Variants in AFF1 observed in about 807,000 individuals in gnomAD.
AFF1 encodes the protein AF4/FMR2 family member 1.
A neutral mutation model predicts 121.7 loss-of-function variants in AFF1; 48 were observed. The observed-to-expected ratio is 0.39, with a 90% CI of 0.31 to 0.50. The LOEUF (loss-of-function observed/expected upper bound fraction) is 0.50. AFF1 is among the 20% of genes least tolerant of loss of function. AFF1 has a pLI of 0.76. For synonymous variants in AFF1, 613 were observed against 563.0 expected, an observed-to-expected ratio of 1.09 and a Z score of -1.26; for missense variants, 1,523 against 1,511.7, an observed-to-expected ratio of 1.01 and a Z score of -0.12.
intron 2 of AFF1, chr4:87,007,379 G>C: frequency 1.2e-6 from 2 of 1,613,738 alleles, no homozygotes; most frequent in Non-Finnish European, 1.7e-6. Context: ...GCTCATGGAC[G>C]GAAGACCCCT....
chr4:87,007,383 G>C, intron 2 of AFF1: 1 of 1,613,790 alleles, frequency 6.2e-7, no homozygotes, highest in South Asian at 1.1e-5. Context: ...ATGGACGGAA[G>C]ACCCCTGGCT....
intron 15 of AFF1, 49 bp downstream of exon 15, chr4:87,127,166 T>TCCCCC (rs367995603): frequency 1.4e-5 from 15 of 1,087,276 alleles, no homozygotes; most frequent in African/African-American, 1.1e-4. Context: ...TTGTTTTGCT[T>TCCCCC]CCCCCCCCCA....
At chr4:86,938,591 CTTTT>C (rs916372736) in intron 1 of AFF1, among the ~76,000 whole-genome samples, 14 of 152,108 alleles carry the variant, frequency 9.2e-5, no homozygotes, top group African/African-American at 3.4e-4. Context: ...CTAGTAGTCT[CTTTT>C]TTTAAGACAC....
chr4:87,138,256 A>G lies in AFF1; in HGVS notation c.*2555A>G, dbSNP rs1179543177. 1 of 232,602 alleles carries G rather than the reference A, an allele frequency of 4.3e-6. No individual in the cohort carries two copies. The highest frequency in any genetic ancestry group is 2.2e-5 in the African/African-American group (1 of 45,296). The allele number at this position is 232,602 out of a possible 1,614,324, so 14.4% of individuals were successfully genotyped here. A position where few individuals can be genotyped will look rare whatever the true frequency, so the allele number is the denominator to read the frequency against. On this transcript the variant is annotated 3_prime_UTR_variant, in exon 21 of 21. Transcript: ENST00000395146. ...AGGGTCTTTTTGCTGTTACGGTTGT[A>G]TATAGAGGTCTGAAGGATTTTTAAA...
chr4:86,995,323 C>T (rs570046622), intron 2 of AFF1, among the ~76,000 whole-genome samples: 1 of 128,218 alleles, frequency 7.8e-6, no homozygotes, highest in South Asian at 2.6e-4. Context: ...CCCACGGTCT[C>T]CCTCTCCCTC....
At chr4:87,033,433 A>T (rs1407276636) in intron 2 of AFF1, among the ~76,000 whole-genome samples, 4 of 152,214 alleles carry the variant, frequency 2.6e-5, no homozygotes, top group African/African-American at 9.6e-5. Flanking sequence ...AAGTTCAGTG[A>T]CTGGGAGGGA....
At chr4:86,983,083 C>A (rs11939722) in intron 2 of AFF1, among the ~76,000 whole-genome samples, 6,381 of 152,042 alleles carry the variant, frequency 0.042, 437 homozygotes, top group African/African-American at 0.15. Flanking sequence ...TAGACTAAGA[C>A]ACAAAGAAAT....
rs553899921 is a variant in AFF1, at chr4:86,950,165, A to G, written c.38+1594A>G. 1.0e-4 allele frequency: 145 copies of G among 1,426,816 alleles called. 1 individual carries two copies. The East Asian group carries it at 2.4e-3, about 23-fold the overall frequency. 88.4% of individuals were successfully genotyped at this position (1,426,816 alleles called of 1,614,324 possible). A position where few individuals can be genotyped will look rare whatever the true frequency, so the allele number is the denominator to read the frequency against. On this transcript the variant is annotated intron_variant, in intron 2 of 20. Coordinates refer to ENST00000395146, the MANE Select transcript of AFF1 (RefSeq NM_001166693.3). ...GCACCGGACAAGGCAGATGCTGCCC[A>G]TGTCTCATCCCGAGGTATTATTATT...
intron 2 of AFF1, among the ~76,000 whole-genome samples, chr4:86,962,150 T>C (rs994978303): frequency 1.3e-5 from 2 of 148,712 alleles, no homozygotes; most frequent in African/African-American, 2.5e-5. Context: ...TGTTTCTTTT[T>C]TTTTTTTTTT....
rs1336874133 is a variant in AFF1, at chr4:87,125,140, C to G, written c.2570C>G (p.Thr857Arg). ...TCCTCCCACAAAGAATCTTCTAAAA[C>G]AAAGTGAGTATAGAGATTAGCAACC... ...SSSSHKESSK[T>R]KPSRPSSQSS... Residue 857 changes from threonine (T) to arginine (R), a missense_variant, in exon 13 of 21, where the codon ACA becomes AGA. Around this residue, in one of 5 missense-constraint regions of AFF1, gnomAD observed 905 missense variants for 842.5 expected, o/e 1.07. Coordinates refer to ENST00000395146, the MANE Select transcript of AFF1 (RefSeq NM_001166693.3). The G allele has an allele frequency of 4.4e-6, 7 of 1,607,504 alleles. No individual in the cohort carries two copies. The South Asian group carries it at 7.8e-5, about 18-fold the overall frequency.
Position 87,139,984 on chromosome 4 carries a change from T to C in AFF1, c.*4283T>C, listed in dbSNP as rs1729594653. The C allele has an allele frequency of 9.5e-6, 2 of 210,124 alleles. No homozygotes were observed. The highest frequency in any genetic ancestry group is 4.5e-5 in the African/African-American group (2 of 43,988). 13.0% of individuals were successfully genotyped at this position (210,124 alleles called of 1,614,324 possible). ...TTACTGTCAGGAGGAAATGACATTA[T>C]ATTCTGTTCCACTGAACGTCAGAGA... On this transcript the variant is annotated 3_prime_UTR_variant, in exon 21 of 21. Coordinates refer to ENST00000395146, the MANE Select transcript of AFF1 (RefSeq NM_001166693.3).
chr4:87,002,498 C>T (rs552530065), intron 2 of AFF1, among the ~76,000 whole-genome samples: 1 of 127,772 alleles, frequency 7.8e-6, no homozygotes, highest in East Asian at 2.6e-4. Flanking sequence ...GTGGTGCGAT[C>T]TCGGCTCACT....
At position 87,115,625 on chromosome 4, in the gene AFF1, T is replaced by TTTTTTTTTTTTTTTTTTTTTTTC. The variant is rs397994396; in HGVS notation, c.2466+326_2466+327insTTTTTTTTTTTTTTTTTTTTTTC. Among the ~76,000 whole-genome samples the TTTTTTTTTTTTTTTTTTTTTTTC allele has an allele frequency of 4.9e-5, 5 of 102,970 alleles. 1 individual carries two copies. The highest frequency in any genetic ancestry group is 9.8e-5 in the Non-Finnish European group (5 of 50,944). The allele number at this position is 102,970 out of a possible 152,430, so 67.6% of individuals were successfully genotyped here. A position where few individuals can be genotyped will look rare whatever the true frequency, so the allele number is the denominator to read the frequency against. On this transcript the variant is annotated intron_variant, in intron 12 of 20. Coordinates refer to ENST00000395146, the MANE Select transcript of AFF1 (RefSeq NM_001166693.3). ...AACCCACCTCTTTTTTTTTTTTTTT[T>TTTTTTTTTTTTTTTTTTTTTTTC]CCAAAGACAGGCCCTTGCTCTGTTG...
chr4:87,111,071 G>A (rs1578270713), intron 11 of AFF1, among the ~76,000 whole-genome samples: 1 of 83,080 alleles, frequency 1.2e-5, no homozygotes, highest in Non-Finnish European at 2.6e-5. Flanking sequence ...GCAGTGGCGC[G>A]ATCTCGGCTC....
intron 8 of AFF1, among the ~76,000 whole-genome samples, chr4:87,100,153 T>C (rs1462845787): frequency 6.6e-6 from 1 of 152,106 alleles, no homozygotes; most frequent in Non-Finnish European, 1.5e-5. Context: ...TAAACGTAGA[T>C]TGAAAGATTG....
At chr4:87,109,577 A>G (rs979795603) in intron 11 of AFF1, among the ~76,000 whole-genome samples, 2 of 152,194 alleles carry the variant, frequency 1.3e-5, no homozygotes, top group African/African-American at 2.4e-5. Context: ...TGTGCAGACA[A>G]ATTGTGTTTA....
chr4:86,998,078 A>T (rs529506814), intron 2 of AFF1, among the ~76,000 whole-genome samples: 1 of 135,182 alleles, frequency 7.4e-6, no homozygotes. Flanking sequence ...GGCCTAGGCA[A>T]TAAGAGCGAA....
rs1265743113 is a variant in AFF1, at chr4:87,036,900, G to T, written c.39-9266G>T. The T allele has an allele frequency of 9.6e-6, 4 of 415,444 alleles. No individual in the cohort carries two copies. In the East Asian group the frequency reaches 2.9e-4, roughly 31 times the overall value. 25.7% of individuals were successfully genotyped at this position (415,444 alleles called of 1,614,324 possible). ...GAGGCTGGAGTGCAGGGTGTGACCT[G>T]GGCTCGCTGTAACCTCTGCCTCTCA... On this transcript the variant is annotated intron_variant, in intron 2 of 20. Coordinates refer to ENST00000395146, the MANE Select transcript of AFF1 (RefSeq NM_001166693.3).
At chr4:87,118,368 A>C (rs1387491628) in intron 12 of AFF1, among the ~76,000 whole-genome samples, 1 of 152,218 alleles carries the variant, frequency 6.6e-6, no homozygotes, top group Non-Finnish European at 1.5e-5. Flanking sequence ...AAGTAGAGAA[A>C]ACTGTGAGGG....
Sources: allele counts gnomAD v4.1 joint callset (sites outside exome capture counted in the v4.1 genomes callset), GRCh38; gene constraint gnomAD v4.1.1; regional missense constraint gnomAD v4.1.1; transcripts MANE v1.5; gene names NCBI Gene and HGNC (gene_info 2026-07-23, HGNC 2026-07-21).